Variants in KRTAP10-9 observed in about 807,000 individuals in gnomAD.
KRTAP10-9 encodes keratin associated protein 10-9.
Under a neutral mutation model 0.5 loss-of-function variants are expected in KRTAP10-9, and 1 was observed. The observed-to-expected ratio is 1.92, with a 90% confidence interval of 0.68 to 9.09. The LOEUF (loss-of-function observed/expected upper bound fraction) is 9.09, where lower values mean the gene tolerates loss of function less well. KRTAP10-9 is among the 30% of genes most tolerant of loss of function. KRTAP10-9 has a pLI of 0.13. For missense variants in KRTAP10-9, 391 were observed against 376.4 expected, an observed-to-expected ratio of 1.04 and a Z score of -0.32; for synonymous variants, 199 against 159.8, an observed-to-expected ratio of 1.25 and a Z score of -1.85.
Position 44,627,405 on chromosome 21 carries a change from G to A in KRTAP10-9, c.234G>A (p.Ser78=), listed in dbSNP as rs62220925. ...QSGCTSSCTP[S]CCQQSSCQPA... is the part of the protein sequence containing the mutation. ...GCTGCACCAGCTCCTGCACGCCCTC[G>A]TGCTGCCAGCAGTCTAGCTGCCAGC... Residue 78 remains serine, a synonymous_variant, in exon 1 of 1, where the codon TCG becomes TCA. Transcript: ENST00000397911. 121,863 of 1,613,768 alleles carry A rather than the reference G, an allele frequency of 0.076. 7,840 individuals carry two copies. The highest frequency in any genetic ancestry group is 0.33 in the African/African-American group (24,956 of 74,912).
Position 44,627,366 on chromosome 21 carries a change from C to A in KRTAP10-9, c.195C>A (p.Ser65Arg), listed in dbSNP as rs1555934620. The change falls in exon 1 of 1, where the codon AGC becomes AGA. Residue 65 changes from serine to arginine, a missense_variant. Ser to Arg is a moderately radical substitution (Grantham distance 110). Transcript: ENST00000397911. ...GCTGCCAGGTGACCTGTGAGCCCAG[C>A]CCCTGCCAATCAGGCTGCACCAGCT... ...SPCCQVTCEPSPCQSGCTSSC... is the reference protein window; with the variant it reads ...SPCCQVTCEPRPCQSGCTSSC... 6.2e-7 allele frequency: 1 copy of A among 1,613,674 alleles called. No homozygotes were observed. The highest frequency in any genetic ancestry group is 1.7e-5 in the Admixed American group (1 of 60,026).
chr21:44,627,154 C>T lies in KRTAP10-9; in HGVS notation c.-18C>T, dbSNP rs1285642137. On this transcript the variant is annotated 5_prime_UTR_variant, in exon 1 of 1. Coordinates refer to ENST00000397911, the MANE Select transcript of KRTAP10-9 (RefSeq NM_198690.3). Reference sequence around the variant, plus strand: ...ACTCACTTACACCTCCCCCAGCTCACCTCCTCCCCACCCCAGCATGGCCGC... The same window carrying T: ...ACTCACTTACACCTCCCCCAGCTCATCTCCTCCCCACCCCAGCATGGCCGC... The T allele has an allele frequency of 1.2e-6, 2 of 1,606,798 alleles. No homozygotes were observed. Among genetic ancestry groups the T allele is most frequent in the Non-Finnish European group, 1.7e-6 (2 of 1,176,536 alleles).
Position 44,628,061 on chromosome 21 carries a change from C to T in KRTAP10-9, c.*11C>T. On this transcript the variant is annotated 3_prime_UTR_variant, in exon 1 of 1. Transcript: ENST00000397911. ...AAGTCCAGCTGCTGACGGTCATGTCCCCCAGGGCCAGCCGGGCTCAGGCCC... is the reference window on the plus strand; with the variant it reads ...AAGTCCAGCTGCTGACGGTCATGTCTCCCAGGGCCAGCCGGGCTCAGGCCC... 1 of 1,605,604 alleles carries T rather than the reference C, an allele frequency of 6.2e-7. No individual in the cohort carries two copies. The highest frequency in any genetic ancestry group is 8.5e-7 in the Non-Finnish European group (1 of 1,174,862).
Position 44,628,233 on chromosome 21 carries a change from C to A in KRTAP10-9, c.*183C>A, listed in dbSNP as rs587659429. On this transcript the variant is annotated 3_prime_UTR_variant, in exon 1 of 1. Coordinates refer to ENST00000397911, the MANE Select transcript of KRTAP10-9 (RefSeq NM_198690.3). ...CTGACCTCCCCCCCGGGCAGGCGAG[C>A]CCTGGCTTCTCCTCACGGTGCTTCC... 1.3e-4 allele frequency: 87 copies of A among 654,484 alleles called. No homozygotes were observed. In the African/African-American group the frequency reaches 1.5e-3, roughly 11 times the overall value. 40.5% of individuals were successfully genotyped at this position (654,484 alleles called of 1,614,324 possible). A position where few individuals can be genotyped will look rare whatever the true frequency, so the allele number is the denominator to read the frequency against.
In KRTAP10-9 at chr21:44,627,661, C is replaced by G; in HGVS notation, c.490C>G (p.Gln164Glu). Residue 164 changes from glutamine (Q) to glutamate (E), a missense_variant, in exon 1 of 1, where the codon CAA becomes GAA. Gln to Glu is a conservative substitution (Grantham distance 29). Transcript: ENST00000397911. ...CTCTGAGGATTCCTATTCATGCTGC[C>G]AACAGTCTAGCTGCCAGCCAGCTTG... The part of the protein sequence containing the change: ...TCSEDSYSCC[Q>E]QSSCQPACCT... 1 of 1,613,444 alleles carries G rather than the reference C, an allele frequency of 6.2e-7. No homozygotes were observed. Among genetic ancestry groups the G allele is most frequent in the Non-Finnish European group, 8.5e-7 (1 of 1,179,754 alleles).
At position 44,627,882 on chromosome 21, in the gene KRTAP10-9, T is replaced by A; in HGVS notation, c.711T>A (p.Pro237=). 1 of 1,612,034 alleles carries A rather than the reference T, an allele frequency of 6.2e-7. No homozygotes were observed. The highest frequency in any genetic ancestry group is 8.5e-7 in the Non-Finnish European group (1 of 1,178,820). Residue 237 remains proline, a synonymous_variant, in exon 1 of 1, where the codon CCT becomes CCA. Coordinates refer to ENST00000397911, the MANE Select transcript of KRTAP10-9 (RefSeq NM_198690.3). ...PSSSVSLLCR[P]VCRPACCVPV... The stretch of plus-strand genomic sequence containing the variant: ...CCTCTGTGTCCCTCCTCTGCCGCCC[T>A]GTGTGCAGGCCCGCCTGCTGCGTGC...
At position 44,627,906 on chromosome 21, in the gene KRTAP10-9, G is replaced by T. The variant is rs1555934883; in HGVS notation, c.735G>T (p.Val245=). The change falls in exon 1 of 1, where the codon GTG becomes GTT. Residue 245 remains valine, a synonymous_variant. Coordinates refer to ENST00000397911, the MANE Select transcript of KRTAP10-9 (RefSeq NM_198690.3). The part of the protein sequence containing the change: ...CRPVCRPACC[V]PVSSCCAPTS... ...CTGTGTGCAGGCCCGCCTGCTGCGT[G>T]CCCGTCTCCTCCTGCTGTGCCCCCA... The T allele has an allele frequency of 6.6e-7, 1 of 1,520,524 alleles. No homozygotes were observed. Among genetic ancestry groups the T allele is most frequent in the African/African-American group, 1.4e-5 (1 of 72,472 alleles). 94.2% of individuals were successfully genotyped at this position (1,520,524 alleles called of 1,614,324 possible).
rs200818127 is a variant in KRTAP10-9, at chr21:44,627,294, C to G, written c.123C>G (p.Pro41=). 1.0e-3 allele frequency: 1,690 copies of G among 1,612,644 alleles called. 3 individuals carry two copies. The highest frequency in any genetic ancestry group is 2.2e-3 in the Middle Eastern group (11 of 4,998). The change falls in exon 1 of 1, where the codon CCC becomes CCG. Residue 41 remains proline (P), a synonymous_variant. Coordinates refer to ENST00000397911, the MANE Select transcript of KRTAP10-9 (RefSeq NM_198690.3). ...CCACCAGCTGCTGCGCCCCGGCCCC[C>G]TGCCTGACCCTGGTCTGCACCCCAG... is the stretch of plus-strand genomic sequence containing the variant. The part of the protein sequence containing the change: ...CCATSCCAPA[P]CLTLVCTPVS...
Position 44,628,334 on chromosome 21 carries a change from C to A in KRTAP10-9, c.*284C>A, listed in dbSNP as rs587660790. ...CTGACCCGGGTCTCACCCCCAGCAGCGTCACCCTCTGCCCCTGAGCACCAA... is the reference window on the plus strand; with the variant it reads ...CTGACCCGGGTCTCACCCCCAGCAGAGTCACCCTCTGCCCCTGAGCACCAA... On this transcript the variant is annotated 3_prime_UTR_variant, in exon 1 of 1. Transcript: ENST00000397911. The A allele has an allele frequency of 4.7e-5, 18 of 382,096 alleles. No individual in the cohort carries two copies. Among genetic ancestry groups the A allele is most frequent in the African/African-American group, 3.8e-4 (16 of 42,362 alleles). The allele number at this position is 382,096 out of a possible 1,614,324, so 23.7% of individuals were successfully genotyped here.
At position 44,627,365 on chromosome 21, in the gene KRTAP10-9, G is replaced by A. The variant is rs373612025; in HGVS notation, c.194G>A (p.Ser65Asn). The A allele has an allele frequency of 3.4e-5, 55 of 1,613,500 alleles. No homozygotes were observed. Among genetic ancestry groups the A allele is most frequent in the Non-Finnish European group, 4.5e-5 (53 of 1,179,974 alleles). ...TGCTGCCAGGTGACCTGTGAGCCCAGCCCCTGCCAATCAGGCTGCACCAGC... is the reference window on the plus strand; with the variant it reads ...TGCTGCCAGGTGACCTGTGAGCCCAACCCCTGCCAATCAGGCTGCACCAGC... ...SPCCQVTCEPSPCQSGCTSSC... is the reference protein window; with the variant it reads ...SPCCQVTCEPNPCQSGCTSSC... The change falls in exon 1 of 1, where the codon AGC becomes AAC. Residue 65 changes from serine to asparagine, a missense_variant. Ser to Asn is a conservative substitution (Grantham distance 46). Transcript: ENST00000397911.
rs587637334 is a variant in KRTAP10-9, at chr21:44,627,425, G to A, written c.254G>A (p.Cys85Tyr). 6.2e-7 allele frequency: 1 copy of A among 1,613,702 alleles called. No individual in the cohort carries two copies. Among genetic ancestry groups the A allele is most frequent in the Non-Finnish European group, 8.5e-7 (1 of 1,179,822 alleles). Reference protein sequence around the residue: ...CTPSCCQQSSCQPAYCTSSPC... With the variant: ...CTPSCCQQSSYQPAYCTSSPC... ...CCCTCGTGCTGCCAGCAGTCTAGCT[G>A]CCAGCCGGCTTACTGCACCTCCTCC... is the stretch of plus-strand genomic sequence containing the variant. Residue 85 changes from cysteine (C) to tyrosine (Y), a missense_variant, in exon 1 of 1, where the codon TGC becomes TAC. Transcript: ENST00000397911.
rs1982991989 is a variant in KRTAP10-9, at chr21:44,628,032, C to G, written c.861C>G (p.Gly287=). 2.5e-6 allele frequency: 4 copies of G among 1,612,724 alleles called. No homozygotes were observed. The highest frequency in any genetic ancestry group is 1.3e-5 in the African/African-American group (1 of 75,034). Residue 287 remains glycine (G), a synonymous_variant, in exon 1 of 1, where the codon GGC becomes GGG. Coordinates refer to ENST00000397911, the MANE Select transcript of KRTAP10-9 (RefSeq NM_198690.3). ...CGGCCTGCTACAGCTTCTCCTCAGGCCAGAAGTCCAGCTGCTGACGGTCAT... is the reference window on the plus strand; with the variant it reads ...CGGCCTGCTACAGCTTCTCCTCAGGGCAGAAGTCCAGCTGCTGACGGTCAT... ...SRPACYSFSS[G]QKSSC
Sources: gnomAD v4.1 joint callset for allele counts on GRCh38, gnomAD v4.1.1 for gene constraint, MANE v1.5 for transcripts, NCBI Gene and HGNC (gene_info 2026-07-23, HGNC 2026-07-21) for gene names.